The following CTSA variants were observed in gnomAD, a reference collection of about 807,000 sequenced individuals.
CTSA encodes the protein cathepsin A.
Under a neutral mutation model 66.7 loss-of-function variants are expected in CTSA, and 42 were observed. The observed-to-expected ratio is 0.63, with a 90% CI of 0.49 to 0.81. CTSA has a LOEUF of 0.81. Among genes scored for constraint, CTSA ranks in the 40% least tolerant of loss-of-function variants. CTSA has a pLI of 0.00. For synonymous variants in CTSA, 225 were observed against 248.6 expected (o/e 0.91, Z 0.89); for missense variants, 525 against 610.9 (o/e 0.86, Z 1.48).
chr20:45,897,211 C>G, intron 12 of CTSA, 171 bp downstream of exon 12: 1 of 684,144 alleles, frequency 1.5e-6, no homozygotes, highest in Non-Finnish European at 2.6e-6. Flanking sequence ...GGGTTTGTCC[C>G]CACCCATGCT....
At chr20:45,896,610 T>G (rs558907879) in intron 11 of CTSA, 1 of 317,782 alleles carries the variant, frequency 3.1e-6, no homozygotes, top group African/African-American at 2.2e-5. Context: ...TTTTTGTATT[T>G]TTTTTTTTAG....
chr20:45,895,469 C>T (rs112349889), intron 11 of CTSA, among the ~76,000 whole-genome samples: 4 of 151,900 alleles, frequency 2.6e-5, no homozygotes, highest in Admixed American at 1.3e-4. Flanking sequence ...CGCACCACCA[C>T]CCCCAACAAG....
In CTSA at chr20:45,892,998, A is replaced by G. The variant is rs576990081; in HGVS notation, c.600+118A>G. On this transcript the variant is annotated intron_variant, in intron 6 of 14. Transcript: ENST00000646241. ...ACCCAGCTTCCTGCATAACCTCCCC[A>G]CCACCGGCTGCCCTAGGTCTGTCTG... 2.4e-6 allele frequency: 3 copies of G among 1,234,040 alleles called. No homozygotes were observed. In the African/African-American group the frequency reaches 4.5e-5, roughly 18 times the overall value. 76.4% of individuals were successfully genotyped at this position (1,234,040 alleles called of 1,614,324 possible).
chr20:45,893,925 C>A, intron 7 of CTSA, 63 bp from the exon 8 acceptor site: 2 of 1,030,768 alleles, frequency 1.9e-6, no homozygotes, highest in Non-Finnish European at 3.1e-6. Context: ...GGGGTATGCT[C>A]GCCTCCTCTG....
intron 9 of CTSA, 37 bp from the exon 10 acceptor site, chr20:45,894,786 G>A (rs1987151812): frequency 1.9e-6 from 3 of 1,593,306 alleles, no homozygotes; most frequent in Non-Finnish European, 2.6e-6. Flanking sequence ...AGCCCCATCT[G>A]GAGGCTCCAC....
intron 8 of CTSA, among the ~76,000 whole-genome samples, 158 bp from the exon 9 acceptor site, chr20:45,894,492 T>C (rs1987133091): frequency 1.3e-5 from 2 of 152,262 alleles, no homozygotes; most frequent in African/African-American, 4.8e-5. Flanking sequence ...TGGACCCAGG[T>C]CTGGGAAGAT....
intron 3 of CTSA, 103 bp from the exon 4 acceptor site, chr20:45,892,170 C>A (rs994220816): frequency 5.7e-5 from 83 of 1,452,902 alleles, no homozygotes; most frequent in Non-Finnish European, 5.6e-5. Flanking sequence ...GCTGCCTGTA[C>A]CTCTCAGAGG....
At position 45,895,126 on chromosome 20, in the gene CTSA, A is replaced by G. The variant is rs752703552; in HGVS notation, c.1081A>G (p.Met361Val). ...NIPEQLPQWD[M>V]CNFLVNLQYR... ...CCCGGAGCAGCTGCCACAATGGGACATGTGCAAGTGAGGTTCCGTGGCCAC... is the reference window on the plus strand; with the variant it reads ...CCCGGAGCAGCTGCCACAATGGGACGTGTGCAAGTGAGGTTCCGTGGCCAC... Residue 361 changes from methionine (M) to valine (V), a missense_variant, in exon 11 of 15, where the codon ATG (methionine) becomes GTG (valine). Physicochemically the swap from Met to Val is conservative, Grantham distance 21 (BLOSUM62 1). This residue lies in a region of CTSA where 274 missense variants were observed against 321.1 expected (regional missense o/e 0.85). Coordinates refer to ENST00000646241, the MANE Select transcript of CTSA (RefSeq NM_000308.4). The G allele has an allele frequency of 2.0e-5, 32 of 1,614,078 alleles. No individual in the cohort carries two copies. The East Asian group carries it at 3.8e-4, about 19-fold the overall frequency.
At position 45,891,659 on chromosome 20, in the gene CTSA, GACC is replaced by G; in HGVS notation, c.93_95del (p.Asp31_Gln32delinsGlu). On this transcript the variant is annotated inframe_deletion, in exon 2 of 15. Transcript: ENST00000646241. The surrounding 1 kb of genome is among the most constrained non-coding windows in gnomAD (Gnocchi z 4.6). ...GGCGTCCCGAGGCGAGGCAGCCCCCGACCAGGACGAGATCCAGCGCCTCCCCGG... is the reference window on the plus strand; with the variant it reads ...GGCGTCCCGAGGCGAGGCAGCCCCCGAGGACGAGATCCAGCGCCTCCCCGG... 1 of 1,612,634 alleles carries G rather than the reference GACC, an allele frequency of 6.2e-7. No individual in the cohort carries two copies. The highest frequency in any genetic ancestry group is 8.5e-7 in the Non-Finnish European group (1 of 1,179,912).
chr20:45,893,486 CTT>C (rs5841610), intron 7 of CTSA, 175 bp downstream of exon 7: 1,205 of 514,352 alleles, frequency 2.3e-3, no homozygotes, highest in East Asian at 3.1e-3. Flanking sequence ...TTCTTTCTTT[CTT>C]TTTTTTTTTT....
At chr20:45,893,361 A>T (rs552271924) in intron 7 of CTSA, 50 bp downstream of exon 7, 1 of 1,399,648 alleles carries the variant, frequency 7.1e-7, no homozygotes, top group Admixed American at 1.7e-5. Flanking sequence ...AGGTCACATG[A>T]TCTCAGGTCT....
intron 12 of CTSA, 104 bp from the exon 13 acceptor site, chr20:45,897,613 C>T: frequency 2.6e-6 from 2 of 770,288 alleles, no homozygotes; most frequent in East Asian, 2.5e-5. Flanking sequence ...TTCGTGTTAT[C>T]TAGCTTGGCC....
rs1289120761 is a variant in CTSA, at chr20:45,892,969, T to A, written c.600+89T>A. On this transcript the variant is annotated intron_variant, in intron 6 of 14. Transcript: ENST00000646241. Reference sequence around the variant, plus strand: ...TCAGACTGACTGGTCAATGTCCCCATCCAACCCAGCTTCCTGCATAACCTC... The same window carrying A: ...TCAGACTGACTGGTCAATGTCCCCAACCAACCCAGCTTCCTGCATAACCTC... 1.9e-5 allele frequency: 28 copies of A among 1,482,014 alleles called. No homozygotes were observed. The South Asian group carries it at 3.2e-4, about 17-fold the overall frequency. The allele number at this position is 1,482,014 out of a possible 1,614,324, so 91.8% of individuals were successfully genotyped here.
chr20:45,894,141 C>A (rs976030217), intron 8 of CTSA, 69 bp downstream of exon 8: 232 of 1,078,038 alleles, frequency 2.2e-4, no homozygotes, highest in Non-Finnish European at 1.8e-4. Flanking sequence ...CACATTCCCT[C>A]CTTGGGGACT....
rs1197621623 is a variant in CTSA, at chr20:45,891,908, C to T, written c.195-8C>T. The T allele has an allele frequency of 1.2e-6, 2 of 1,613,054 alleles. No homozygotes were observed. The highest frequency in any genetic ancestry group is 1.1e-5 in the South Asian group (1 of 91,066). ...ACTGCGCCAACCCTGCCCTGACCCC[C>T]CTCCCAGGTTTGTGGAGTCCCAGAA... On this transcript the variant is annotated splice_region_variant and splice_polypyrimidine_tract_variant and intron_variant, in intron 2 of 14. Coordinates refer to ENST00000646241, the MANE Select transcript of CTSA (RefSeq NM_000308.4). The surrounding 1 kb of genome is among the most constrained non-coding windows in gnomAD (Gnocchi z 4.6).
intron 12 of CTSA, 151 bp downstream of exon 12, chr20:45,897,191 A>G: frequency 2.7e-6 from 2 of 730,918 alleles, no homozygotes; most frequent in East Asian, 5.3e-5. Flanking sequence ...TGGGGTCAGA[A>G]TTTGAACCTG....
chr20:45,895,029 C>T lies in CTSA; in HGVS notation c.984C>T (p.Asp328=), dbSNP rs1987173100. 2 of 1,613,806 alleles carry T rather than the reference C, an allele frequency of 1.2e-6. No individual in the cohort carries two copies. Among genetic ancestry groups the T allele is most frequent in the East Asian group, 2.2e-5 (1 of 44,872 alleles). Residue 328 remains aspartate (D), a synonymous_variant, in exon 11 of 15, where the codon GAC becomes GAT. Coordinates refer to ENST00000646241, the MANE Select transcript of CTSA (RefSeq NM_000308.4). ...GCTCAGGGGATAAAGTGCGCATGGA[C>T]CCCCCCTGCACCAACACAACAGCTG... ...LLRSGDKVRM[D]PPCTNTTAAS...
chr20:45,894,473 G>T, intron 8 of CTSA, 177 bp from the exon 9 acceptor site: 1 of 684,292 alleles, frequency 1.5e-6, no homozygotes, highest in Non-Finnish European at 2.7e-6. Flanking sequence ...AGGCAGTGAT[G>T]CTAGGATTTG....
Position 45,892,707 on chromosome 20 carries a change from T to A in CTSA, c.445-18T>A. 1 of 1,614,240 alleles carries A rather than the reference T, an allele frequency of 6.2e-7. No homozygotes were observed. The highest frequency in any genetic ancestry group is 8.5e-7 in the Non-Finnish European group (1 of 1,180,038). On this transcript the variant is annotated intron_variant, in intron 5 of 14. Transcript: ENST00000646241. ...CCAAAGCTTCCTGATTCCCTCTGTC[T>A]TGCTCTGCCATCCCCAGGTCGCCCA...
Sources: allele counts gnomAD v4.1 joint callset (sites outside exome capture counted in the v4.1 genomes callset), GRCh38; gene constraint gnomAD v4.1.1; regional missense constraint gnomAD v4.1.1; non-coding constraint Gnocchi (gnomAD v3.1); transcripts MANE v1.5; gene names NCBI Gene and HGNC (gene_info 2026-07-23, HGNC 2026-07-21).